Variants in LRP1B observed in about 807,000 individuals in gnomAD.
LRP1B encodes the protein low-density lipoprotein receptor-related protein 1B.
LRP1B carries 217 observed loss-of-function variants against 556.6 expected under a neutral mutation model. The ratio of observed to expected loss-of-function variants is 0.39; its 90% CI spans 0.35 to 0.44. The LOEUF is 0.44. Among genes scored for constraint, LRP1B ranks in the 20% least tolerant of loss-of-function variants. The pLI is 1.00. For missense variants in LRP1B, 5,053 were observed against 5,620.8 expected (o/e 0.90, Z 3.23); for synonymous variants, 2,047 against 1,865.8 (o/e 1.10, Z -2.50).
At chr2:140,787,044 G>A (rs1220965287) in intron 32 of LRP1B, among the ~76,000 whole-genome samples, 1 of 152,182 alleles carries the variant, frequency 6.6e-6, no homozygotes, top group Non-Finnish European at 1.5e-5. Context: ...AAGAGGAAGA[G>A]CAGGATGGGG....
At position 142,116,192 on chromosome 2, in the gene LRP1B, C is replaced by CAA. The variant is rs70994477; in HGVS notation, c.82+14454_82+14455dup. Among the ~76,000 whole-genome samples the CAA allele has an allele frequency of 8.7e-3, 568 of 65,242 alleles. 17 individuals carry two copies. The highest frequency in any genetic ancestry group is 0.015 in the South Asian group (20 of 1,320). The allele number at this position is 65,242 out of a possible 152,430, so 42.8% of individuals were successfully genotyped here. On this transcript the variant is annotated intron_variant, in intron 1 of 90. Coordinates refer to ENST00000389484, the MANE Select transcript of LRP1B (RefSeq NM_018557.3). ...TGGGTGACAGAGCGAGAGTCTGTCT[C>CAA]AAAAAAAAAAAAAAAAAAAAAAAGA...
intron 51 of LRP1B, among the ~76,000 whole-genome samples, chr2:140,513,938 A>G (rs1237378360): frequency 6.6e-6 from 1 of 152,018 alleles, no homozygotes; most frequent in Non-Finnish European, 1.5e-5. Context: ...ATCTATAAAA[A>G]TAGTGAAATT....
chr2:140,501,472 GA>G (rs137870931), intron 55 of LRP1B, among the ~76,000 whole-genome samples: 6,807 of 151,992 alleles, frequency 0.045, 390 homozygotes, highest in African/African-American at 0.14. Flanking sequence ...CAAAAATGTA[GA>G]AAAATGCTTC....
At chr2:141,731,123 C>T (rs1467837778) in intron 2 of LRP1B, among the ~76,000 whole-genome samples, 1 of 152,082 alleles carries the variant, frequency 6.6e-6, no homozygotes, top group Non-Finnish European at 1.5e-5. Flanking sequence ...AAGGGTCCTC[C>T]TTTATTTTCA....
intron 20 of LRP1B, among the ~76,000 whole-genome samples, chr2:140,947,403 A>G (rs529939141): frequency 5.3e-5 from 8 of 152,318 alleles, no homozygotes; most frequent in Non-Finnish European, 1.0e-4. Context: ...AGTGTAAAGC[A>G]AAGTGCTGAG....
chr2:142,047,074 C>G (rs1442725505), intron 1 of LRP1B, among the ~76,000 whole-genome samples: 4 of 151,958 alleles, frequency 2.6e-5, no homozygotes, highest in African/African-American at 9.7e-5. Context: ...AAATATCAAG[C>G]TTTGTATGGA....
At chr2:142,008,518 CTT>C (rs1206192277) in intron 1 of LRP1B, among the ~76,000 whole-genome samples, 12 of 138,950 alleles carry the variant, frequency 8.6e-5, no homozygotes, top group Non-Finnish European at 9.4e-5. Flanking sequence ...GACATGGTGA[CTT>C]TTTTTTTTTT....
At chr2:141,563,995 A>C (rs371163493) in intron 2 of LRP1B, among the ~76,000 whole-genome samples, 2 of 152,054 alleles carry the variant, frequency 1.3e-5, no homozygotes, top group South Asian at 4.1e-4. Context: ...CAAACCTGAA[A>C]ATGTACCCCT....
intron 42 of LRP1B, among the ~76,000 whole-genome samples, chr2:140,599,472 A>G (rs1277532382): frequency 1.3e-5 from 2 of 152,160 alleles, no homozygotes; most frequent in East Asian, 1.9e-4. Flanking sequence ...ATGGATTCCC[A>G]TGTATAACCA....
At chr2:140,641,922 T>C (rs1200512441) in intron 41 of LRP1B, among the ~76,000 whole-genome samples, 1 of 152,138 alleles carries the variant, frequency 6.6e-6, no homozygotes, top group Non-Finnish European at 1.5e-5. Flanking sequence ...AAAAAATCAT[T>C]CAAGAATCCA....
intron 12 of LRP1B, 85 bp downstream of exon 12, chr2:141,019,837 T>C: frequency 9.6e-7 from 1 of 1,044,274 alleles, no homozygotes; most frequent in Non-Finnish European, 1.3e-6. Flanking sequence ...ACATATGGAT[T>C]TAAATAAAAC....
chr2:141,516,623 C>G (rs111502891), intron 2 of LRP1B, among the ~76,000 whole-genome samples: 4,733 of 151,886 alleles, frequency 0.031, 270 homozygotes, highest in African/African-American at 0.11. Flanking sequence ...CCACTGTACC[C>G]CAGCCTGGGC....
At chr2:141,424,708 T>C (rs1166790331) in intron 3 of LRP1B, among the ~76,000 whole-genome samples, 2 of 152,206 alleles carry the variant, frequency 1.3e-5, no homozygotes, top group African/African-American at 4.8e-5. Context: ...GTTTGACTGA[T>C]TTTTGTTATT....
chr2:140,784,373 C>T (rs1689814258), intron 32 of LRP1B, among the ~76,000 whole-genome samples: 1 of 124,702 alleles, frequency 8.0e-6, no homozygotes, highest in Non-Finnish European at 1.6e-5. Context: ...GAGGATTCTG[C>T]CTCCACACAC....
Position 141,019,983 on chromosome 2 carries a change from T to G in LRP1B, c.1909A>C (p.Lys637Gln). 1 of 1,611,822 alleles carries G rather than the reference T, an allele frequency of 6.2e-7. No homozygotes were observed. The highest frequency in any genetic ancestry group is 8.5e-7 in the Non-Finnish European group (1 of 1,178,484). ...ARLEKASQSR[K>Q]TLLEGEMSHP... is the part of the protein sequence containing the mutation. Reference sequence around the variant, plus strand: ...GACATTTCACCCTCTAAAAGAGTCTTCCGACTCTGAGAAGCTTTTTCCAGC... The same window carrying G: ...GACATTTCACCCTCTAAAAGAGTCTGCCGACTCTGAGAAGCTTTTTCCAGC... The change falls in exon 12 of 91, where the codon AAG becomes CAG. Residue 637 changes from lysine to glutamine, a missense_variant. Coordinates refer to ENST00000389484, the MANE Select transcript of LRP1B (RefSeq NM_018557.3).
chr2:141,229,947 C>A (rs1179513774), intron 5 of LRP1B, among the ~76,000 whole-genome samples: 1 of 152,178 alleles, frequency 6.6e-6, no homozygotes, highest in Non-Finnish European at 1.5e-5. Context: ...AAGAGCCAAA[C>A]AATCACACAT....
intron 1 of LRP1B, among the ~76,000 whole-genome samples, chr2:142,112,240 T>C (rs1458601461): frequency 6.6e-6 from 1 of 151,916 alleles, no homozygotes; most frequent in South Asian, 2.1e-4. Context: ...AGGACAAAGA[T>C]AGATAAAATA....
At chr2:141,753,263 C>CCATAT (rs533996017) in intron 2 of LRP1B, among the ~76,000 whole-genome samples, 20 of 62,546 alleles carry the variant, frequency 3.2e-4, no homozygotes, top group Admixed American at 2.7e-3. Context: ...TCTCTCTCTC[C>CCATAT]ATATATATAT....
At chr2:140,697,831 G>A (rs754529072) in intron 41 of LRP1B, among the ~76,000 whole-genome samples, 16 of 151,976 alleles carry the variant, frequency 1.1e-4, no homozygotes, top group Non-Finnish European at 2.2e-4. Context: ...TTGAAGTGAT[G>A]AAAAAGTTTT....
Sources: gnomAD v4.1 joint callset for allele counts (sites outside exome capture counted in the v4.1 genomes callset) on GRCh38, gnomAD v4.1.1 for gene constraint, MANE v1.5 for transcripts, NCBI Gene and HGNC (gene_info 2026-07-23, HGNC 2026-07-21) for gene names.